TMCO4: variants seen among roughly 807,000 people sequenced by gnomAD.
The protein encoded by TMCO4 is transmembrane and coiled-coil domain-containing protein 4.
Under a neutral mutation model 64.7 loss-of-function variants are expected in TMCO4, and 58 were observed. The ratio of observed to expected loss-of-function variants is 0.90; its 90% CI spans 0.73 to 1.12. The LOEUF (loss-of-function observed/expected upper bound fraction) is 1.12. Ranked by LOEUF, TMCO4 falls within the 50% of genes most tolerant of loss-of-function variation. The probability of loss-of-function intolerance (pLI) is 0.00; values close to 1 mark genes in which losing one functional copy is unlikely to be tolerated. For missense variants in TMCO4, 780 were observed against 825.9 expected, an observed-to-expected ratio of 0.94 and a Z score of 0.68; for synonymous variants, 325 against 346.1, an observed-to-expected ratio of 0.94 and a Z score of 0.68.
chr1:19,751,511 C>T (rs560098882), intron 7 of TMCO4, among the ~76,000 whole-genome samples: 334 of 152,216 alleles, frequency 2.2e-3, no homozygotes, highest in African/African-American at 7.6e-3. Context: ...GTGGGAGGAT[C>T]GCTTGAACCT....
chr1:19,757,943 G>A (rs1395919152), intron 6 of TMCO4, among the ~76,000 whole-genome samples: 4 of 152,148 alleles, frequency 2.6e-5, no homozygotes, highest in African/African-American at 9.7e-5. Context: ...CAGCTACTCC[G>A]CACTCACCTT....
intron 15 of TMCO4, among the ~76,000 whole-genome samples, chr1:19,689,302 G>A (rs2095173738): frequency 6.6e-6 from 1 of 152,182 alleles, no homozygotes; most frequent in Non-Finnish European, 1.5e-5. Context: ...CTCCTAATGT[G>A]ATAAAGAGCT....
chr1:19,746,849 C>T (rs2041811115), intron 8 of TMCO4, among the ~76,000 whole-genome samples: 1 of 143,554 alleles, frequency 7.0e-6, no homozygotes, highest in Non-Finnish European at 1.5e-5. Context: ...GCATGAACCT[C>T]GGAGGCGGAG....
intron 15 of TMCO4, among the ~76,000 whole-genome samples, chr1:19,684,554 G>A (rs2095131772): frequency 6.6e-6 from 1 of 152,160 alleles, no homozygotes; most frequent in East Asian, 1.9e-4. Context: ...GGGAACACAA[G>A]GGTAGTTTCA....
intron 13 of TMCO4, among the ~76,000 whole-genome samples, chr1:19,726,627 A>G (rs564991487): frequency 1.6e-4 from 24 of 152,308 alleles, no homozygotes; most frequent in African/African-American, 5.5e-4. Context: ...GGATTAAATA[A>G]GGCATGTGAA....
At chr1:19,781,881 C>T (rs568638052) in intron 3 of TMCO4, among the ~76,000 whole-genome samples, 37 of 152,280 alleles carry the variant, frequency 2.4e-4, no homozygotes, top group African/African-American at 7.7e-4. Flanking sequence ...CTCCTGACCT[C>T]GTGATCCGCC....
chr1:19,729,741 G>T (rs1349359192), intron 13 of TMCO4, among the ~76,000 whole-genome samples: 3 of 151,896 alleles, frequency 2.0e-5, no homozygotes, highest in Non-Finnish European at 4.4e-5. Context: ...CTCCAGCTAG[G>T]GTGACAGGGT....
At chr1:19,783,650 G>A (rs1197398206) in intron 3 of TMCO4, among the ~76,000 whole-genome samples, 2 of 152,100 alleles carry the variant, frequency 1.3e-5, no homozygotes, top group African/African-American at 2.4e-5. Flanking sequence ...GAACCATTAC[G>A]ATTCCCTCTT....
intron 15 of TMCO4, among the ~76,000 whole-genome samples, chr1:19,684,162 T>G (rs1312872177): frequency 9.0e-6 from 1 of 111,692 alleles, no homozygotes; most frequent in East Asian, 3.5e-4. Context: ...AGATGGGTTC[T>G]CTCTCTCTCG....
At chr1:19,725,436 T>C (rs1369605569) in intron 13 of TMCO4, among the ~76,000 whole-genome samples, 1 of 152,232 alleles carries the variant, frequency 6.6e-6, no homozygotes, top group Non-Finnish European at 1.5e-5. Flanking sequence ...TCAGTTGGAA[T>C]TGAGTTTGCT....
At chr1:19,788,777 T>C (rs2043870359) in intron 2 of TMCO4, among the ~76,000 whole-genome samples, 1 of 152,166 alleles carries the variant, frequency 6.6e-6, no homozygotes, top group Admixed American at 6.5e-5. Context: ...TCTAGTTATG[T>C]TTTTAAAACA....
chr1:19,686,562 G>A (rs1376754681), intron 15 of TMCO4, among the ~76,000 whole-genome samples: 1 of 152,098 alleles, frequency 6.6e-6, no homozygotes, highest in East Asian at 1.9e-4. Context: ...CTTTCCTCAC[G>A]AATGCTTTTA....
At chr1:19,791,765 G>A (rs2044051515) in intron 2 of TMCO4, among the ~76,000 whole-genome samples, 1 of 152,214 alleles carries the variant, frequency 6.6e-6, no homozygotes, top group Non-Finnish European at 1.5e-5. Flanking sequence ...GGGCTCAGGA[G>A]TCACTGACGG....
intron 2 of TMCO4, among the ~76,000 whole-genome samples, chr1:19,790,631 C>A (rs541231563): frequency 2.6e-5 from 4 of 151,934 alleles, no homozygotes; most frequent in African/African-American, 7.3e-5. Flanking sequence ...CCAGTCAGAA[C>A]GGCAATTATT....
intron 4 of TMCO4, among the ~76,000 whole-genome samples, chr1:19,772,992 C>A (rs2043053373): frequency 6.6e-6 from 1 of 152,214 alleles, no homozygotes; most frequent in Non-Finnish European, 1.5e-5. Context: ...GAGTTCGAGA[C>A]CAGCCTGGCC....
At chr1:19,756,422 C>T (rs966161971) in intron 6 of TMCO4, among the ~76,000 whole-genome samples, 2 of 151,838 alleles carry the variant, frequency 1.3e-5, no homozygotes, top group African/African-American at 4.8e-5. Context: ...GTATCAACAA[C>T]TTAAAAAAAA....
chr1:19,709,726 G>T (rs1448599693), intron 13 of TMCO4, among the ~76,000 whole-genome samples: 2 of 143,522 alleles, frequency 1.4e-5, no homozygotes, highest in Non-Finnish European at 3.1e-5. Context: ...GTTTCTGTTT[G>T]TTTTTTTTTT....
intron 15 of TMCO4, among the ~76,000 whole-genome samples, chr1:19,687,514 G>A (rs1179071595): frequency 1.3e-5 from 2 of 152,172 alleles, no homozygotes; most frequent in Non-Finnish European, 2.9e-5. Flanking sequence ...CTGTAAATAT[G>A]AGTTCCCTTA....
chr1:19,699,486 C>CATATATATATATAT (rs10587817), intron 14 of TMCO4, among the ~76,000 whole-genome samples: 11 of 136,412 alleles, frequency 8.1e-5, no homozygotes, highest in Non-Finnish European at 1.1e-4. Context: ...TTTTCATATA[C>CATATATATATATAT]ATATATATAT....
Sources: gnomAD v4.1 joint callset for allele counts (sites outside exome capture counted in the v4.1 genomes callset) on GRCh38, gnomAD v4.1.1 for gene constraint, MANE v1.5 for transcripts, NCBI Gene and HGNC (gene_info 2026-07-23, HGNC 2026-07-21) for gene names.